The following SORCS2 variants were observed in gnomAD, a reference collection of about 807,000 sequenced individuals.
The protein encoded by SORCS2 is sortilin related VPS10 domain containing receptor 2.
SORCS2 carries 100 observed loss-of-function variants against 141.6 expected under a neutral mutation model. The ratio of observed to expected loss-of-function variants is 0.71; its 90% confidence interval spans 0.60 to 0.83. The LOEUF is 0.83. SORCS2 is among the 40% of genes least tolerant of loss of function. The probability of loss-of-function intolerance (pLI) is 0.00; values close to 1 mark genes in which losing one functional copy is unlikely to be tolerated. For synonymous variants in SORCS2, 789 were observed against 676.9 expected, an observed-to-expected ratio of 1.17 and a Z score of -2.57; for missense variants, 1,646 against 1,560.2, an observed-to-expected ratio of 1.05 and a Z score of -0.93.
Position 7,338,161 on chromosome 4 carries a change from TTGGATGGA to T in SORCS2, c.481-58112_481-58105del, listed in dbSNP as rs202176320. 3.1e-3 allele frequency among the ~76,000 whole-genome samples: 315 copies of T among 100,988 alleles called. 4 individuals carry two copies. The highest frequency in any genetic ancestry group is 0.023 in the Admixed American group (252 of 11,024). 66.3% of individuals were successfully genotyped at this position (100,988 alleles called of 152,430 possible). ...TGTTGGTTGCATGGATGGATGTTGG[TTGGATGGA>T]TGGATGGATGGATGTTGGATGTTGG... On this transcript the variant is annotated intron_variant, in intron 1 of 26. Transcript: ENST00000507866.
At chr4:7,606,463 G>A (rs148628588) in intron 3 of SORCS2, among the ~76,000 whole-genome samples, 2 of 152,160 alleles carry the variant, frequency 1.3e-5, no homozygotes, top group Admixed American at 6.5e-5. Flanking sequence ...CTTCGTTTCT[G>A]CTGCAAACGG....
intron 1 of SORCS2, among the ~76,000 whole-genome samples, chr4:7,210,757 G>A (rs1457733588): frequency 3.3e-5 from 5 of 152,226 alleles, no homozygotes; most frequent in African/African-American, 2.4e-5. Flanking sequence ...GTGATACAAT[G>A]AGGGCAAAAG....
intron 1 of SORCS2, among the ~76,000 whole-genome samples, chr4:7,375,345 G>A (rs990007223): frequency 1.3e-5 from 2 of 152,350 alleles, no homozygotes; most frequent in East Asian, 1.9e-4. Flanking sequence ...CATCAAGGCA[G>A]CTCCATGCGC....
At chr4:7,487,035 C>T (rs969655014) in intron 2 of SORCS2, among the ~76,000 whole-genome samples, 5 of 152,206 alleles carry the variant, frequency 3.3e-5, no homozygotes, top group Non-Finnish European at 5.9e-5. Context: ...TGCCTGTCTA[C>T]GGGGTGTTCC....
chr4:7,419,246 C>G (rs1725887285), intron 2 of SORCS2, among the ~76,000 whole-genome samples: 1 of 152,160 alleles, frequency 6.6e-6, no homozygotes, highest in Non-Finnish European at 1.5e-5. Flanking sequence ...TGAGTGCTTT[C>G]TGGGGTTCAG....
intron 1 of SORCS2, among the ~76,000 whole-genome samples, chr4:7,362,332 C>T (rs779290925): frequency 4.6e-5 from 7 of 152,164 alleles, no homozygotes; most frequent in Admixed American, 1.3e-4. Context: ...AGTCCTTCCA[C>T]GCCGCATCCT....
In SORCS2 at chr4:7,699,829, G is replaced by A. The variant is rs534636956; in HGVS notation, c.1668+2555G>A. On this transcript the variant is annotated intron_variant, in intron 12 of 26. Coordinates refer to ENST00000507866, the MANE Select transcript of SORCS2 (RefSeq NM_020777.3). ...CTCCTCAGATGTTCCCCGAGACAGA[G>A]AGCTCACTCCTTCCTGGAGGGGAGC... 5.0e-4 allele frequency among the ~76,000 whole-genome samples: 76 copies of A among 152,320 alleles called. No individual in the cohort carries two copies. In the South Asian group the frequency reaches 9.9e-3, roughly 20 times the overall value.
At chr4:7,389,766 C>T (rs1723739198) in intron 1 of SORCS2, among the ~76,000 whole-genome samples, 3 of 152,216 alleles carry the variant, frequency 2.0e-5, no homozygotes, top group Non-Finnish European at 4.4e-5. Flanking sequence ...CAAATGCCTG[C>T]GGGGTGGGTG....
intron 25 of SORCS2, 64 bp from the exon 26 acceptor site, chr4:7,737,005 G>T: frequency 6.5e-7 from 1 of 1,542,244 alleles, no homozygotes; most frequent in Non-Finnish European, 8.8e-7. Flanking sequence ...CCAGCGGAAG[G>T]CTCCAGGGAC....
intron 3 of SORCS2, among the ~76,000 whole-genome samples, chr4:7,541,581 CT>C (rs1712663728): frequency 1.3e-5 from 2 of 152,206 alleles, no homozygotes; most frequent in Admixed American, 1.3e-4. Flanking sequence ...CAGGGCCTTG[CT>C]CGGGGGCGCC....
chr4:7,354,854 C>T (rs889191878), intron 1 of SORCS2, among the ~76,000 whole-genome samples: 6 of 152,176 alleles, frequency 3.9e-5, no homozygotes, highest in Admixed American at 1.3e-4. Context: ...TTGGCCACCC[C>T]ATGGGTGGAC....
chr4:7,525,545 A>C (rs1733615966), intron 2 of SORCS2, among the ~76,000 whole-genome samples: 2 of 151,794 alleles, frequency 1.3e-5, no homozygotes, highest in Non-Finnish European at 2.9e-5. Flanking sequence ...GTGTCACTCC[A>C]TCTTCCATGT....
intron 1 of SORCS2, among the ~76,000 whole-genome samples, chr4:7,329,487 C>G (rs190530146): frequency 6.6e-6 from 1 of 152,318 alleles, no homozygotes; most frequent in South Asian, 2.1e-4. Flanking sequence ...AGATGCTGGA[C>G]GTGGCCCCTA....
chr4:7,276,912 A>G (rs4689675), intron 1 of SORCS2, among the ~76,000 whole-genome samples: 23,221 of 152,186 alleles, frequency 0.15, 2,267 homozygotes, highest in Admixed American at 0.27. Context: ...GCTCAGTGGT[A>G]GGGCCAGGAT....
intron 12 of SORCS2, among the ~76,000 whole-genome samples, chr4:7,697,725 G>A (rs1332791741): frequency 6.6e-6 from 1 of 151,724 alleles, no homozygotes; most frequent in Non-Finnish European, 1.5e-5. Flanking sequence ...CCGGGTTCCT[G>A]GCAGGGGCTG....
chr4:7,726,069 T>A (rs1727198605), intron 20 of SORCS2, among the ~76,000 whole-genome samples: 1 of 152,210 alleles, frequency 6.6e-6, no homozygotes, highest in Non-Finnish European at 1.5e-5. Flanking sequence ...CTCTCCTGTC[T>A]CTGCGGCAAC....
intron 3 of SORCS2, among the ~76,000 whole-genome samples, chr4:7,559,401 G>A (rs905673537): frequency 7.2e-5 from 11 of 152,194 alleles, no homozygotes; most frequent in East Asian, 1.9e-4. Context: ...AGGTCAGGGC[G>A]CACCTGGAGG....
intron 1 of SORCS2, among the ~76,000 whole-genome samples, chr4:7,382,908 C>T (rs528084760): frequency 5.4e-4 from 82 of 152,268 alleles, no homozygotes; most frequent in African/African-American, 1.8e-3. Context: ...CTTTAATTTC[C>T]TTTAAGATCA....
intron 2 of SORCS2, among the ~76,000 whole-genome samples, chr4:7,450,005 C>T (rs1728337438): frequency 6.6e-6 from 1 of 152,204 alleles, no homozygotes; most frequent in Non-Finnish European, 1.5e-5. Context: ...AATGGGGCCC[C>T]TGGGACACGT....
Sources: gnomAD v4.1 joint callset for allele counts (sites outside exome capture counted in the v4.1 genomes callset) on GRCh38, gnomAD v4.1.1 for gene constraint, MANE v1.5 for transcripts, NCBI Gene and HGNC (gene_info 2026-07-23, HGNC 2026-07-21) for gene names.